Variants in EXO1 observed in about 807,000 individuals in gnomAD.
EXO1 encodes exonuclease 1.
A neutral mutation model predicts 84.5 loss-of-function variants in EXO1; 69 were observed. The ratio of observed to expected loss-of-function variants is 0.82; its 90% CI spans 0.67 to 1.00. EXO1 has a LOEUF of 1.00. Ranked by LOEUF, EXO1 falls within the 50% of genes least tolerant of loss-of-function variation. The pLI, the probability that EXO1 is intolerant of heterozygous loss-of-function variation, is 0.00. For missense variants in EXO1, 1,045 were observed against 1,000.7 expected, an observed-to-expected ratio of 1.04 and a Z score of -0.60; for synonymous variants, 373 against 366.1, an observed-to-expected ratio of 1.02 and a Z score of -0.21.
rs567504896 is a variant in EXO1 at position 241,878,293 on chromosome 1, G to A, written c.1515-456G>A. On this transcript the variant is annotated intron_variant, in intron 12 of 15. Transcript: ENST00000366548. ...GCGGGCGGATCACCTGAGATCAGGA[G>A]TTTGAGACCAGCCTGACCAACATGG... is the stretch of plus-strand genomic sequence containing the variant. Among the ~76,000 whole-genome samples, 12 of 152,360 alleles carry A rather than the reference G, an allele frequency of 7.9e-5. No individual in the cohort carries two copies. The East Asian group carries it at 2.3e-3, about 29-fold the overall frequency.
At chr1:241,862,020 C>T (rs1386153244) in intron 10 of EXO1, among the ~76,000 whole-genome samples, 4 of 152,210 alleles carry the variant, frequency 2.6e-5, no homozygotes, top group Non-Finnish European at 5.9e-5. Context: ...CTCACCACAA[C>T]CTCCGCCTCC....
chr1:241,871,938 TA>T, intron 11 of EXO1, 93 bp from the exon 12 acceptor site: 1 of 850,440 alleles, frequency 1.2e-6, no homozygotes, highest in South Asian at 1.7e-5. Context: ...TTAAAGTCCT[TA>T]TTTTTAGGAC....
intron 6 of EXO1, among the ~76,000 whole-genome samples, chr1:241,855,647 G>C (rs1202234944): frequency 6.6e-6 from 1 of 152,216 alleles, no homozygotes; most frequent in East Asian, 1.9e-4. Context: ...GCTCGTTGGG[G>C]AGGCTCGGGC....
At position 241,889,447 on chromosome 1, in the gene EXO1, T is replaced by C. The variant is rs760986149; in HGVS notation, c.2406-18T>C. 6.2e-7 allele frequency: 1 copy of C among 1,609,402 alleles called. No individual in the cohort carries two copies. Among genetic ancestry groups the C allele is most frequent in the Non-Finnish European group, 8.5e-7 (1 of 1,175,748 alleles). On this transcript the variant is annotated intron_variant, in intron 15 of 15. Transcript: ENST00000366548. ...CAGTACCTTAAAAATACCAAATGTA[T>C]TTTATTGTATTTTGCAGAGATTCTG...
At chr1:241,851,240 A>C (rs1660656576) in intron 4 of EXO1, among the ~76,000 whole-genome samples, 1 of 152,318 alleles carries the variant, frequency 6.6e-6, no homozygotes, top group East Asian at 1.9e-4. Context: ...TGGTTAGCAA[A>C]AAAACAAATG....
chr1:241,850,836 C>CT (rs10641736), intron 4 of EXO1, among the ~76,000 whole-genome samples: 6,298 of 105,032 alleles, frequency 0.06, 468 homozygotes, highest in African/African-American at 0.13. Flanking sequence ...CTCCTTTATT[C>CT]TTTTTTTTTT....
chr1:241,884,273 G>T (rs1160014481), intron 14 of EXO1, among the ~76,000 whole-genome samples: 4 of 151,784 alleles, frequency 2.6e-5, no homozygotes, highest in Admixed American at 6.6e-5. Context: ...CATATTTAAG[G>T]ATTTCATCTT....
At chr1:241,885,234 A>AAATAAATG in intron 14 of EXO1, 80 bp from the exon 15 acceptor site, 1 of 788,248 alleles carries the variant, frequency 1.3e-6, no homozygotes, top group South Asian at 2.2e-5. Context: ...ATAAATAAAT[A>AAATAAATG]AGTAAAGAAT....
chr1:241,883,446 T>C (rs564433529), intron 14 of EXO1, among the ~76,000 whole-genome samples: 22 of 152,294 alleles, frequency 1.4e-4, no homozygotes, highest in African/African-American at 5.3e-4. Flanking sequence ...TTGTACCTCT[T>C]CTTAAGGGCA....
rs370323327 is a variant in EXO1 at position 241,872,305 on chromosome 1, TTGTC to T, written c.1514+31_1514+34del. 637 of 1,610,168 alleles carry T rather than the reference TTGTC, an allele frequency of 4.0e-4. 1 individual carries two copies. In the African/African-American group the frequency reaches 7.5e-3, roughly 19 times the overall value. On this transcript the variant is annotated intron_variant, in intron 12 of 15. Coordinates refer to ENST00000366548, the MANE Select transcript of EXO1 (RefSeq NM_130398.4). ...TATAGTTATGTCTCCAGAATGTTGA[TTGTC>T]TGTTGTATTATGTACTCTGTTGGTA... is the stretch of plus-strand genomic sequence containing the variant.
chr1:241,858,643 G>A lies in EXO1; in HGVS notation c.681G>A (p.Leu227=). 1.2e-6 allele frequency: 2 copies of A among 1,614,086 alleles called. No individual in the cohort carries two copies. Among genetic ancestry groups the A allele is most frequent in the South Asian group, 2.2e-5 (2 of 91,086 alleles). Residue 227 remains leucine, a synonymous_variant, in exon 8 of 16, where the codon CTG becomes CTA. Transcript: ENST00000366548. ...GTATTCTTTCAGGTTGTGACTACCTGTCATCACTGCGTGGGATTGGATTAG... is the reference window on the plus strand; with the variant it reads ...GTATTCTTTCAGGTTGTGACTACCTATCATCACTGCGTGGGATTGGATTAG... The part of the protein sequence containing the change: ...YMCILSGCDY[L]SSLRGIGLAK...
chr1:241,885,858 G>T (rs67976358), intron 15 of EXO1, among the ~76,000 whole-genome samples: 142 of 4,060 alleles, frequency 0.035, 4 homozygotes, highest in Admixed American at 0.049. Context: ...TTTGTTTTTT[G>T]TTTTTTGTTT....
chr1:241,881,700 A>G lies in EXO1; in HGVS notation c.2110-216A>G, dbSNP rs113530187. ...TTCAGAAAAGACTTTAATTTTAAAT[A>G]GATATTTTATATAATTTACCTCTCC... On this transcript the variant is annotated intron_variant, in intron 13 of 15. Coordinates refer to ENST00000366548, the MANE Select transcript of EXO1 (RefSeq NM_130398.4). 4.5e-3 allele frequency among the ~76,000 whole-genome samples: 682 copies of G among 152,322 alleles called. 2 individuals are homozygous for G. Among genetic ancestry groups the G allele is most frequent in the Non-Finnish European group, 6.6e-3 (447 of 68,030 alleles).
intron 12 of EXO1, among the ~76,000 whole-genome samples, chr1:241,876,806 T>G (rs3819355): frequency 0.077 from 11,726 of 152,146 alleles, 719 homozygotes; most frequent in Admixed American, 0.2. Context: ...CTAGTCACAG[T>G]TGATATAATG....
chr1:241,865,053 G>T (rs1465139417), intron 10 of EXO1, among the ~76,000 whole-genome samples: 2 of 145,134 alleles, frequency 1.4e-5, no homozygotes, highest in African/African-American at 2.5e-5. Context: ...TTGTGTGTGT[G>T]GGGGGGGGGT....
At chr1:241,888,436 G>A (rs1381503227) in intron 15 of EXO1, among the ~76,000 whole-genome samples, 3 of 152,068 alleles carry the variant, frequency 2.0e-5, no homozygotes, top group African/African-American at 7.2e-5. Flanking sequence ...TGAGTTGTCA[G>A]CAGTTTCACT....
chr1:241,872,978 A>G (rs1188980512), intron 12 of EXO1, among the ~76,000 whole-genome samples: 2 of 152,190 alleles, frequency 1.3e-5, no homozygotes, highest in Non-Finnish European at 2.9e-5. Flanking sequence ...CCAACAGTGT[A>G]AAAGCATTCC....
intron 6 of EXO1, among the ~76,000 whole-genome samples, chr1:241,856,590 T>TA (rs1661056859): frequency 6.6e-6 from 1 of 152,188 alleles, no homozygotes; most frequent in South Asian, 2.1e-4. Context: ...ATATGGTCTA[T>TA]AATTTTATCA....
chr1:241,868,693 G>A (rs1661900474), intron 11 of EXO1, among the ~76,000 whole-genome samples: 1 of 152,140 alleles, frequency 6.6e-6, no homozygotes, highest in African/African-American at 2.4e-5. Context: ...AGTCTATTGA[G>A]AGTTAGTTAA....
Sources: gnomAD v4.1 joint callset for allele counts (sites outside exome capture counted in the v4.1 genomes callset) on GRCh38, gnomAD v4.1.1 for gene constraint, MANE v1.5 for transcripts, NCBI Gene and HGNC (gene_info 2026-07-23, HGNC 2026-07-21) for gene names.